CCL20: variants seen among roughly 807,000 people sequenced by gnomAD.
CCL20 encodes the protein C-C motif chemokine ligand 20.
CCL20 carries 8 observed loss-of-function variants against 10.8 expected under a neutral mutation model. The observed-to-expected ratio is 0.74, with a 90% CI of 0.44 to 1.34. The LOEUF (loss-of-function observed/expected upper bound fraction) is 1.34, where lower values mean the gene tolerates loss of function less well. Ranked by LOEUF, CCL20 falls within the 40% of genes most tolerant of loss-of-function variation. CCL20 has a pLI of 0.01. For missense variants in CCL20, 107 were observed against 117.9 expected (o/e 0.91, Z 0.43); for synonymous variants, 40 against 39.4 (o/e 1.02, Z -0.06).
chr2:227,815,854 A>C (rs1559287687), intron 2 of CCL20: 5 of 302,510 alleles, frequency 1.7e-5, no homozygotes, highest in Admixed American at 4.8e-5. Flanking sequence ...TAAGGCTATT[A>C]AAGTGATATA....
chr2:227,816,400 AT>A lies in CCL20; in HGVS notation c.269+19del. ...GTCTCCTCAGGTATGTTACACTGACATTTAGCCTTTGCAAATGTTTGAGGAA... is the reference window on the plus strand; with the variant it reads ...GTCTCCTCAGGTATGTTACACTGACATTAGCCTTTGCAAATGTTTGAGGAA... On this transcript the variant is annotated intron_variant, in intron 3 of 3. Coordinates refer to ENST00000358813, the MANE Select transcript of CCL20 (RefSeq NM_004591.3). 2.0e-6 allele frequency: 3 copies of A among 1,480,576 alleles called. No individual in the cohort carries two copies. Among genetic ancestry groups the A allele is most frequent in the Non-Finnish European group, 2.8e-6 (3 of 1,062,628 alleles). The allele number at this position is 1,480,576 out of a possible 1,614,324, so 91.7% of individuals were successfully genotyped here. A position where few individuals can be genotyped will look rare whatever the true frequency, so the allele number is the denominator to read the frequency against.
chr2:227,814,484 C>T (rs1290513477), intron 1 of CCL20, among the ~76,000 whole-genome samples: 2 of 149,298 alleles, frequency 1.3e-5, no homozygotes, highest in South Asian at 4.1e-4. Flanking sequence ...TACCTTACAG[C>T]ATGTTGTAAT....
rs1298889137 is a variant in CCL20, at chr2:227,815,428, T to C, written c.77-26T>C. 9.3e-6 allele frequency: 11 copies of C among 1,183,804 alleles called. 1 individual carries two copies. Among genetic ancestry groups the C allele is most frequent in the Non-Finnish European group, 1.4e-5 (11 of 806,068 alleles). 73.3% of individuals were successfully genotyped at this position (1,183,804 alleles called of 1,614,324 possible). On this transcript the variant is annotated intron_variant, in intron 1 of 3. Transcript: ENST00000358813. Reference sequence around the variant, plus strand: ...GATAAGTTTATTCATGTGGATCCAATACCTTTCACTTTTTTTTTTTTTTAG... The same window carrying C: ...GATAAGTTTATTCATGTGGATCCAACACCTTTCACTTTTTTTTTTTTTTAG...
At chr2:227,816,096 GTAC>G in intron 2 of CCL20, 2 of 520,552 alleles carry the variant, frequency 3.8e-6, no homozygotes, top group South Asian at 5.3e-5. Context: ...TCCTGCCATT[GTAC>G]TATTATTTGT....
rs1192125484 is a variant in CCL20, at chr2:227,817,444, C to A, written c.*361C>A. The A allele has an allele frequency of 6.2e-6, 1 of 160,872 alleles. No individual in the cohort carries two copies. Among genetic ancestry groups the A allele is most frequent in the African/African-American group, 2.4e-5 (1 of 41,762 alleles). 10.0% of individuals were successfully genotyped at this position (160,872 alleles called of 1,614,324 possible). A position where few individuals can be genotyped will look rare whatever the true frequency, so the allele number is the denominator to read the frequency against. The stretch of plus-strand genomic sequence containing the variant: ...GCAACAAGCTATTTTTTAAAAAAAA[C>A]TATTTAACATTCTTTTGTTTATATT... On this transcript the variant is annotated 3_prime_UTR_variant, in exon 4 of 4. Transcript: ENST00000358813.
rs746684972 is a variant in CCL20 at position 227,816,307 on chromosome 2, C to G, written c.192C>G (p.Ile64Met). Residue 64 changes from isoleucine (I) to methionine (M), a missense_variant and splice_region_variant, in exon 3 of 4, where the codon ATC (isoleucine) becomes ATG (methionine). Physicochemically the swap from Ile to Met is conservative, Grantham distance 10. Coordinates refer to ENST00000358813, the MANE Select transcript of CCL20 (RefSeq NM_004591.3). The stretch of plus-strand genomic sequence containing the variant: ...CAAATCAAATTTTCTGATTTTTCAG[C>G]TTTCACACAAAGAAAAAGTTGTCTG... ...ANEGCDINAI[I>M]FHTKKKLSVC... The G allele has an allele frequency of 1.5e-5, 24 of 1,601,542 alleles. No homozygotes were observed. Among genetic ancestry groups the G allele is most frequent in the Non-Finnish European group, 2.0e-5 (23 of 1,169,178 alleles).
Position 227,814,032 on chromosome 2 carries a change from AT to A in CCL20, c.76+49del, listed in dbSNP as rs970826146. ...CTAGCACAGAAGAAAGACTATTTTCATTTTCCTTTTAGCCTTGAGCTCAACT... is the reference window on the plus strand; with the variant it reads ...CTAGCACAGAAGAAAGACTATTTTCATTTCCTTTTAGCCTTGAGCTCAACT... On this transcript the variant is annotated intron_variant, in intron 1 of 3. Coordinates refer to ENST00000358813, the MANE Select transcript of CCL20 (RefSeq NM_004591.3). The A allele has an allele frequency of 3.2e-6, 5 of 1,548,822 alleles. No homozygotes were observed. In the African/African-American group the frequency reaches 5.8e-5, roughly 18 times the overall value.
At chr2:227,814,114 A>G (rs958226431) in intron 1 of CCL20, 127 bp downstream of exon 1, 10 of 796,870 alleles carry the variant, frequency 1.3e-5, no homozygotes, top group Non-Finnish European at 1.7e-5. Flanking sequence ...TAGTGATGGA[A>G]GTTGTCTGCC....
chr2:227,816,218 C>A, intron 2 of CCL20, 89 bp from the exon 3 acceptor site: 1 of 704,732 alleles, frequency 1.4e-6, no homozygotes, highest in South Asian at 1.8e-5. Flanking sequence ...AGTGTGTAAT[C>A]AACTGGAATA....
Position 227,817,078 on chromosome 2 carries a change from A to G in CCL20, c.286A>G (p.Met96Val). Residue 96 changes from methionine (M) to valine (V), a missense_variant, in exon 4 of 4, where the codon ATG (methionine) becomes GTG (valine). Met to Val is a conservative substitution (Grantham distance 21). Transcript: ENST00000358813. ...ATTTTACAGTAAAAAAGTCAAGAAC[A>G]TGTAAAAACTGTGGCTTTTCTGGAA... The part of the protein sequence containing the change: ...VRLLSKKVKN[M>V] 1 of 1,608,692 alleles carries G rather than the reference A, an allele frequency of 6.2e-7. No individual in the cohort carries two copies. Among genetic ancestry groups the G allele is most frequent in the Non-Finnish European group, 8.5e-7 (1 of 1,175,462 alleles).
At chr2:227,816,037 T>C (rs996866466) in intron 2 of CCL20, 6 of 418,742 alleles carry the variant, frequency 1.4e-5, no homozygotes, top group African/African-American at 1.2e-4. Flanking sequence ...ATACATATTC[T>C]ATGTAACCAC....
At chr2:227,814,555 A>G (rs1191357247) in intron 1 of CCL20, among the ~76,000 whole-genome samples, 1 of 150,716 alleles carries the variant, frequency 6.6e-6, no homozygotes, top group Non-Finnish European at 1.5e-5. Flanking sequence ...ACTTTTAGCA[A>G]CAGGTGCATT....
In CCL20 at chr2:227,817,121, C is replaced by G; in HGVS notation, c.*38C>G. ...TTCTGGAATGGAATTGGACATAGCC[C>G]AAGAACAGAAAGAACCTTGCTGGGG... On this transcript the variant is annotated 3_prime_UTR_variant, in exon 4 of 4. Transcript: ENST00000358813. 6.4e-7 allele frequency: 1 copy of G among 1,572,268 alleles called. No homozygotes were observed. Among genetic ancestry groups the G allele is most frequent in the African/African-American group, 1.3e-5 (1 of 74,078 alleles).
At chr2:227,815,689 T>G (rs1043732333) in intron 2 of CCL20, 121 bp downstream of exon 2, 2 of 608,650 alleles carry the variant, frequency 3.3e-6, no homozygotes, top group Admixed American at 3.1e-5. Context: ...CATAAGATCT[T>G]ATTTTAAAGA....
chr2:227,815,498 C>T lies in CCL20; in HGVS notation c.121C>T (p.Leu41Phe). 2 of 1,607,674 alleles carry T rather than the reference C, an allele frequency of 1.2e-6. No homozygotes were observed. The highest frequency in any genetic ancestry group is 1.1e-5 in the South Asian group (1 of 90,742). ...CTGTCTTGGATACACAGACCGTATTCTTCATCCTAAATTTATTGTGGGCTT... is the reference window on the plus strand; with the variant it reads ...CTGTCTTGGATACACAGACCGTATTTTTCATCCTAAATTTATTGTGGGCTT... Reference protein sequence around the residue: ...DCCLGYTDRILHPKFIVGFTR... With the variant: ...DCCLGYTDRIFHPKFIVGFTR... The change falls in exon 2 of 4, where the codon CTT becomes TTT. Residue 41 changes from leucine to phenylalanine, a missense_variant. Leu to Phe is a conservative substitution (Grantham distance 22). Transcript: ENST00000358813.
At chr2:227,815,992 A>G in intron 2 of CCL20, 1 of 280,398 alleles carries the variant, frequency 3.6e-6, no homozygotes, top group Non-Finnish European at 6.6e-6. Context: ...ATAGGATATT[A>G]TATTTTGGAA....
Position 227,815,555 on chromosome 2 carries a change from A to G in CCL20, c.178A>G (p.Ile60Val). The change falls in exon 2 of 4, where the codon ATC becomes GTC. Residue 60 changes from isoleucine (I) to valine (V), a missense_variant. Ile to Val is a conservative substitution (Grantham distance 29, BLOSUM62 3). Coordinates refer to ENST00000358813, the MANE Select transcript of CCL20 (RefSeq NM_004591.3). ...TRQLANEGCD[I>V]NAIIFHTKKK... ...GCAGCTGGCCAATGAAGGCTGTGAC[A>G]TCAATGCTATCATGTAAGTTATTAA... The G allele has an allele frequency of 6.4e-7, 1 of 1,558,042 alleles. No individual in the cohort carries two copies. The highest frequency in any genetic ancestry group is 1.7e-5 in the Admixed American group (1 of 58,924).
rs758012880 is a variant in CCL20 at position 227,815,567 on chromosome 2, A to G, written c.190A>G (p.Ile64Val). The G allele has an allele frequency of 9.3e-6, 14 of 1,508,584 alleles. No homozygotes were observed. In the East Asian group the frequency reaches 2.7e-4, roughly 29 times the overall value. The allele number at this position is 1,508,584 out of a possible 1,614,324, so 93.4% of individuals were successfully genotyped here. ...ANEGCDINAI[I>V]FHTKKKLSVC... ...TGAAGGCTGTGACATCAATGCTATC[A>G]TGTAAGTTATTAATTGATTTTAATT... Residue 64 changes from isoleucine to valine, a missense_variant and splice_region_variant, in exon 2 of 4, where the codon ATC (isoleucine) becomes GTC (valine). Transcript: ENST00000358813.
chr2:227,816,483 T>C, intron 3 of CCL20, 99 bp downstream of exon 3: 3 of 585,746 alleles, frequency 5.1e-6, no homozygotes, highest in South Asian at 5.7e-5. Context: ...AGTTTAACTA[T>C]TGTGGAATTT....
Sources: gnomAD v4.1 joint callset for allele counts (sites outside exome capture counted in the v4.1 genomes callset) on GRCh38, gnomAD v4.1.1 for gene constraint, MANE v1.5 for transcripts, NCBI Gene and HGNC (gene_info 2026-07-23, HGNC 2026-07-21) for gene names.